Variants in SFSWAP observed in about 807,000 individuals in gnomAD.
The protein encoded by SFSWAP is splicing factor SWAP, also known as splicing factor, suppressor of white-apricot homolog.
Under a neutral mutation model 100.7 loss-of-function variants are expected in SFSWAP, and 17 were observed. The observed-to-expected ratio is 0.17, with a 90% CI of 0.12 to 0.25. The LOEUF (loss-of-function observed/expected upper bound fraction) is 0.25. Ranked by LOEUF, SFSWAP falls within the 10% of genes least tolerant of loss-of-function variation. The pLI is 1.00. For missense variants in SFSWAP, 1,005 were observed against 1,262.6 expected (o/e 0.80, Z 3.09); for synonymous variants, 504 against 510.1 (o/e 0.99, Z 0.16).
chr12:131,784,781 G>T, intron 14 of SFSWAP: 1 of 260,368 alleles, frequency 3.8e-6, no homozygotes. Flanking sequence ...CTCGTTCTAA[G>T]ATGGGCGTTT....
chr12:131,784,824 G>A (rs1441921591), intron 14 of SFSWAP: 2 of 335,614 alleles, frequency 6.0e-6, no homozygotes, highest in African/African-American at 4.2e-5. Context: ...ACTGGTAACA[G>A]CCACTTCCCT....
Position 131,756,577 on chromosome 12 carries a change from G to A in SFSWAP, c.1653G>A (p.Arg551=), listed in dbSNP as rs1249551244. ...APEDAAEVGA[R]AGSGGKKEAS... ...AAGACGCAGCCGAGGTGGGAGCACG[G>A]GCAGGCTCAGGCGGGAAGAAGGAGG... Residue 551 remains arginine, a synonymous_variant, in exon 11 of 18, where the codon CGG becomes CGA. Transcript: ENST00000261674. 3.1e-6 allele frequency: 5 copies of A among 1,613,578 alleles called. No homozygotes were observed. Among genetic ancestry groups the A allele is most frequent in the African/African-American group, 1.3e-5 (1 of 74,982 alleles).
intron 16 of SFSWAP, 66 bp downstream of exon 16, chr12:131,797,426 C>A: frequency 7.2e-7 from 1 of 1,393,824 alleles, no homozygotes. Context: ...GACTCTCCCT[C>A]CTCCCTGAGT....
chr12:131,721,406 T>C (rs1046103397), intron 4 of SFSWAP, among the ~76,000 whole-genome samples: 1 of 152,198 alleles, frequency 6.6e-6, no homozygotes, highest in African/African-American at 2.4e-5. Flanking sequence ...ATATTTTCCA[T>C]GTATTATATA....
intron 7 of SFSWAP, among the ~76,000 whole-genome samples, chr12:131,752,001 A>G (rs1471916686): frequency 1.3e-5 from 2 of 152,268 alleles, no homozygotes; most frequent in East Asian, 1.9e-4. Flanking sequence ...TTAGGAGTTC[A>G]TCATGTATAA....
chr12:131,771,219 C>T (rs1883568099), intron 13 of SFSWAP, among the ~76,000 whole-genome samples: 1 of 152,184 alleles, frequency 6.6e-6, no homozygotes, highest in Non-Finnish European at 1.5e-5. Context: ...CTTCTGTTAT[C>T]AATGCTTACA....
At chr12:131,726,874 G>T in intron 5 of SFSWAP, 66 bp from the exon 6 acceptor site, 1 of 997,088 alleles carries the variant, frequency 1.0e-6, no homozygotes, top group Middle Eastern at 2.1e-4. Flanking sequence ...CTAAGTTTTT[G>T]CATAATTAAT....
At chr12:131,760,765 C>T (rs1882596833) in intron 11 of SFSWAP, among the ~76,000 whole-genome samples, 1 of 152,128 alleles carries the variant, frequency 6.6e-6, no homozygotes, top group Admixed American at 6.5e-5. Flanking sequence ...AGAAACCTGT[C>T]TACACAGTAA....
intron 3 of SFSWAP, among the ~76,000 whole-genome samples, chr12:131,716,801 T>G (rs1272169329): frequency 6.6e-6 from 1 of 152,212 alleles, no homozygotes; most frequent in Non-Finnish European, 1.5e-5. Context: ...TCAGCCCCTA[T>G]TCTAGATGAT....
intron 14 of SFSWAP, among the ~76,000 whole-genome samples, chr12:131,779,262 A>AGCGTGTGTGAAGAGGGCGGCGCGG (rs1884297203): frequency 6.8e-6 from 1 of 148,126 alleles, no homozygotes; most frequent in Non-Finnish European, 1.5e-5. Context: ...GGCGCGGGTG[A>AGCGTGTGTGAAGAGGGCGGCGCGG]GTGTGTGTGA....
At chr12:131,731,911 T>C (rs942803898) in intron 7 of SFSWAP, among the ~76,000 whole-genome samples, 2 of 131,172 alleles carry the variant, frequency 1.5e-5, no homozygotes, top group African/African-American at 5.7e-5. Flanking sequence ...CTTTTTTTTT[T>C]TTTTTTTTTT....
chr12:131,764,231 G>A (rs944121750), intron 11 of SFSWAP, among the ~76,000 whole-genome samples: 1 of 152,180 alleles, frequency 6.6e-6, no homozygotes, highest in African/African-American at 2.4e-5. Flanking sequence ...CAGTCAGTGC[G>A]GTTCTCACAG....
chr12:131,786,217 G>A (rs1042244937), intron 14 of SFSWAP, among the ~76,000 whole-genome samples: 21 of 152,274 alleles, frequency 1.4e-4, no homozygotes, highest in Non-Finnish European at 2.8e-4. Flanking sequence ...TTTGTCCTTG[G>A]TGCGATAAGT....
At chr12:131,746,965 G>A (rs1439547309) in intron 7 of SFSWAP, among the ~76,000 whole-genome samples, 2 of 152,120 alleles carry the variant, frequency 1.3e-5, no homozygotes, top group Non-Finnish European at 2.9e-5. Context: ...TTAGCCGGGT[G>A]TGGTGGCGGG....
chr12:131,763,832 T>A (rs1366952459), intron 11 of SFSWAP, among the ~76,000 whole-genome samples: 7 of 151,230 alleles, frequency 4.6e-5, no homozygotes, highest in African/African-American at 1.5e-4. Flanking sequence ...TTTTTTTTTT[T>A]AAAGAAAAAT....
intron 13 of SFSWAP, among the ~76,000 whole-genome samples, chr12:131,774,647 T>C (rs2136249874): frequency 6.6e-6 from 1 of 152,316 alleles, no homozygotes; most frequent in South Asian, 2.1e-4. Flanking sequence ...TTGGCATCAG[T>C]CCTTGTTCAC....
At chr12:131,759,255 A>G (rs1882443600) in intron 11 of SFSWAP, among the ~76,000 whole-genome samples, 1 of 152,218 alleles carries the variant, frequency 6.6e-6, no homozygotes. Flanking sequence ...AGGAACCAAC[A>G]TAGACCTATA....
intron 7 of SFSWAP, among the ~76,000 whole-genome samples, chr12:131,746,738 G>T (rs541188902): frequency 1.3e-4 from 20 of 152,290 alleles, no homozygotes; most frequent in Admixed American, 6.5e-4. Flanking sequence ...CTAGAATTGC[G>T]GGGTGGGTAT....
intron 13 of SFSWAP, among the ~76,000 whole-genome samples, chr12:131,768,911 G>C (rs754093803): frequency 1.2e-4 from 18 of 152,092 alleles, no homozygotes; most frequent in African/African-American, 1.7e-4. Flanking sequence ...ATCGCTTGAG[G>C]CCAGGAGTTC....
Sources: gnomAD v4.1 joint callset for allele counts (sites outside exome capture counted in the v4.1 genomes callset) on GRCh38, gnomAD v4.1.1 for gene constraint, MANE v1.5 for transcripts, NCBI Gene and HGNC (gene_info 2026-07-23, HGNC 2026-07-21) for gene names.